COL6A5: variants seen among roughly 807,000 people sequenced by gnomAD.
COL6A5 encodes the protein collagen alpha-5(VI) chain.
Under a neutral mutation model 65.6 loss-of-function variants are expected in COL6A5, and 48 were observed. The observed-to-expected ratio is 0.73, with a 90% CI of 0.58 to 0.93. The LOEUF is 0.93. Among genes scored for constraint, COL6A5 ranks in the 40% least tolerant of loss-of-function variants. COL6A5 has a pLI of 0.00. For missense variants in COL6A5, 914 were observed against 928.3 expected, an observed-to-expected ratio of 0.98 and a Z score of 0.20; for synonymous variants, 291 against 322.8, an observed-to-expected ratio of 0.90 and a Z score of 1.05.
chr3:130,418,801 A>C, intron 24 of COL6A5, 68 bp from the exon 25 acceptor site: 1 of 1,274,598 alleles, frequency 7.8e-7, no homozygotes, highest in Non-Finnish European at 1.1e-6. Flanking sequence ...TCGAGTGGAC[A>C]GAACTTACCG....
At chr3:130,358,025 T>C (rs1934981772) in intron 1 of COL6A5, among the ~76,000 whole-genome samples, 1 of 151,786 alleles carries the variant, frequency 6.6e-6, no homozygotes, top group African/African-American at 2.4e-5. Flanking sequence ...CCGTCTCTAC[T>C]AAAAATACAA....
At chr3:130,469,645 G>A (rs1374432749) in intron 6 of COL6A5, among the ~76,000 whole-genome samples, 164 bp downstream of exon 38, 2 of 151,978 alleles carry the variant, frequency 1.3e-5, no homozygotes, top group Non-Finnish European at 2.9e-5. Flanking sequence ...CAGATTTTTT[G>A]ACCATGAGCC....
At chr3:130,458,010 G>A (rs1322834545) in intron 5 of COL6A5, among the ~76,000 whole-genome samples, 2 of 152,144 alleles carry the variant, frequency 1.3e-5, no homozygotes, top group African/African-American at 4.8e-5. Flanking sequence ...GGAAAAGTCA[G>A]GAATCTTAAC....
In COL6A5 at chr3:130,373,008, G is replaced by A. The variant is rs529997021; in HGVS notation, c.-28-603G>A. 6.6e-5 allele frequency among the ~76,000 whole-genome samples: 10 copies of A among 152,200 alleles called. No individual in the cohort carries two copies. In the East Asian group the frequency reaches 1.9e-3, roughly 29 times the overall value. On this transcript the variant is annotated intron_variant and NMD_transcript_variant, in intron 1 of 41. Coordinates refer to the COL6A5 transcript ENST00000312481. Reference sequence around the variant, plus strand: ...CATTCTGATTGATTGTGAACTATGTGGAAAAACCAAACCTAAGGTAGTTTG... The same window carrying A: ...CATTCTGATTGATTGTGAACTATGTAGAAAAACCAAACCTAAGGTAGTTTG...
intron 10 of COL6A5, among the ~76,000 whole-genome samples, chr3:130,399,828 C>T (rs1307741043): frequency 6.6e-6 from 1 of 152,072 alleles, no homozygotes; most frequent in Non-Finnish European, 1.5e-5. Context: ...TCTCAGCTCG[C>T]TGCAACCTCT....
chr3:130,457,352 T>C (rs1709595995), intron 5 of COL6A5, among the ~76,000 whole-genome samples: 1 of 152,066 alleles, frequency 6.6e-6, no homozygotes, highest in Non-Finnish European at 1.5e-5. Flanking sequence ...AAGACAGATA[T>C]GACTGGATAT....
At chr3:130,391,607 T>G (rs950717054) in exon 7 of COL6A5, 2 of 1,551,494 alleles carry the variant, frequency 1.3e-6, no homozygotes, top group African/African-American at 2.7e-5. Flanking sequence ...CATCACCATC[T>G]TTGCAGTGGG....
rs1709121695 is a variant in COL6A5 at position 130,439,550 on chromosome 3, T to C, written c.518T>C (p.Ile173Thr). The C allele has an allele frequency of 6.4e-7, 1 of 1,551,216 alleles. No individual in the cohort carries two copies. Among genetic ancestry groups the C allele is most frequent in the South Asian group, 1.2e-5 (1 of 84,044 alleles). The change falls in exon 2 of 8, where the codon ATT (isoleucine) becomes ACT (threonine). Residue 173 changes from isoleucine to threonine, a missense_variant. Coordinates refer to ENST00000512836, the Ensembl canonical transcript of COL6A5. ...GACAACACTGGAACATTTCAGGTGA[T>C]TCCAGTTCCTCCAAATGGGGAAAAT...
intron 4 of COL6A5, among the ~76,000 whole-genome samples, chr3:130,380,944 C>T (rs1311578483): frequency 1.3e-5 from 2 of 151,980 alleles, no homozygotes; most frequent in African/African-American, 2.4e-5. Flanking sequence ...TTTTGCTGTT[C>T]GTGGTCTTAA....
At chr3:130,445,753 C>T (rs977386367) in intron 4 of COL6A5, among the ~76,000 whole-genome samples, 6 of 152,110 alleles carry the variant, frequency 3.9e-5, no homozygotes, top group Admixed American at 6.5e-5. Flanking sequence ...TGATGATTCT[C>T]GTTCTCCTGA....
intron 8 of COL6A5, among the ~76,000 whole-genome samples, chr3:130,396,355 T>C (rs1437193057): frequency 6.6e-6 from 1 of 152,204 alleles, no homozygotes; most frequent in Admixed American, 6.5e-5. Context: ...ATATGTCCCA[T>C]TTGCGGTGCT....
At chr3:130,394,931 G>A (rs1577463860) in exon 8 of COL6A5, 1 of 1,551,378 alleles carries the variant, frequency 6.4e-7, no homozygotes, top group East Asian at 2.4e-5. Flanking sequence ...CCTTTGCGAT[G>A]GCTCTGACAG....
exon 7 of COL6A5, chr3:130,391,634 C>A: frequency 6.4e-7 from 1 of 1,551,590 alleles, no homozygotes. Context: ...AAAGGCCAAC[C>A]AAAAGGAACT....
intron 7 of COL6A5, among the ~76,000 whole-genome samples, chr3:130,475,860 C>T: frequency 6.6e-6 from 1 of 152,056 alleles, no homozygotes; most frequent in East Asian, 1.9e-4. Flanking sequence ...CCCTTTAAAA[C>T]CCTTGTGTGG....
intron 4 of COL6A5, among the ~76,000 whole-genome samples, chr3:130,383,542 A>G (rs1261507105): frequency 1.3e-5 from 2 of 151,992 alleles, no homozygotes; most frequent in African/African-American, 2.4e-5. Context: ...TTTGCAGATA[A>G]CCGCTTATCT....
intron 27 of COL6A5, 126 bp from the exon 28 acceptor site, chr3:130,422,594 T>A (rs28687852): frequency 3.4e-6 from 2 of 588,612 alleles, no homozygotes; most frequent in East Asian, 6.4e-5. Context: ...ACATTTAATG[T>A]TGTATTGGCC....
intron 1 of COL6A5, among the ~76,000 whole-genome samples, chr3:130,354,891 T>G (rs1367590363): frequency 2.0e-5 from 3 of 152,146 alleles, no homozygotes; most frequent in Non-Finnish European, 4.4e-5. Context: ...CTAGACTGAG[T>G]TGAGATGTGC....
intron 12 of COL6A5, among the ~76,000 whole-genome samples, chr3:130,402,226 A>G (rs2107665310): frequency 6.6e-6 from 1 of 152,292 alleles, no homozygotes; most frequent in Admixed American, 6.5e-5. Context: ...AGATCACTTG[A>G]TTGTTCAAGA....
intron 22 of COL6A5, among the ~76,000 whole-genome samples, chr3:130,415,123 C>A (rs920255738): frequency 2.0e-5 from 3 of 152,078 alleles, no homozygotes; most frequent in African/African-American, 7.2e-5. Context: ...TAGGAAGAAA[C>A]GTTACTGCCA....
Sources: allele counts gnomAD v4.1 joint callset (sites outside exome capture counted in the v4.1 genomes callset), GRCh38; gene constraint gnomAD v4.1.1; transcripts MANE v1.5; gene names NCBI Gene and HGNC (gene_info 2026-07-23, HGNC 2026-07-21).